The following NOTCH3 variants were observed in gnomAD, a reference collection of about 807,000 sequenced individuals.
The protein encoded by NOTCH3 is neurogenic locus notch homolog protein 3.
A neutral mutation model predicts 213.3 loss-of-function variants in NOTCH3; 86 were observed. That is an observed-to-expected ratio of 0.40 (90% confidence interval 0.34 to 0.48). NOTCH3 has a LOEUF of 0.48. Among genes scored for constraint, NOTCH3 ranks in the 20% least tolerant of loss-of-function variants. The pLI, the probability that NOTCH3 is intolerant of heterozygous loss-of-function variation, is 0.57. For synonymous variants in NOTCH3, 1,354 were observed against 1,355.9 expected (o/e 1.00, Z 0.03); for missense variants, 2,783 against 3,272.6 (o/e 0.85, Z 3.65).
At chr19:15,166,422 A>G (rs964542929) in intron 29 of NOTCH3, among the ~76,000 whole-genome samples, 2 of 152,196 alleles carry the variant, frequency 1.3e-5, no homozygotes, top group African/African-American at 4.8e-5. Context: ...ATCCAACTCA[A>G]GGCAAAGAAA....
intron 2 of NOTCH3, among the ~76,000 whole-genome samples, chr19:15,192,835 A>T (rs1484112674): frequency 6.6e-6 from 1 of 152,022 alleles, no homozygotes; most frequent in East Asian, 1.9e-4. Context: ...GAATTGCTTG[A>T]ACTCGGGAGG....
Position 15,184,990 on chromosome 19 carries a change from T to C in NOTCH3, c.2326A>G (p.Thr776Ala). The C allele has an allele frequency of 2.0e-6, 3 of 1,535,534 alleles. No homozygotes were observed. The highest frequency in any genetic ancestry group is 2.6e-6 in the Non-Finnish European group (3 of 1,136,908). The change falls in exon 15 of 33, where the codon ACC (threonine) becomes GCC (alanine). Residue 776 changes from threonine (T) to alanine (A), a missense_variant. By Grantham distance (58) the Thr-to-Ala change is moderately conservative (BLOSUM62 0). Transcript: ENST00000263388. Reference protein sequence around the residue: ...GRQCELLSPCTPNPCEHGGRC... With the variant: ...GRQCELLSPCAPNPCEHGGRC... ...CCCCCATGCTCACAGGGGTTCGGGG[T>C]GCAGGGGGAGAGGAGTTCACACTGA...
Position 15,161,107 on chromosome 19 carries a change from C to G in NOTCH3, c.6521G>C (p.Arg2174Pro), listed in dbSNP as rs1337328035. 1 of 1,539,392 alleles carries G rather than the reference C, an allele frequency of 6.5e-7. No homozygotes were observed. The highest frequency in any genetic ancestry group is 8.7e-7 in the Non-Finnish European group (1 of 1,148,596). The change falls in exon 33 of 33, where the codon CGG becomes CCG. Residue 2174 changes from arginine to proline, a missense_variant. Transcript: ENST00000263388. ...NPVAVPLDWARLPPPAPPGPS... is the reference protein window; with the variant it reads ...NPVAVPLDWAPLPPPAPPGPS... Reference sequence around the variant, plus strand: ...GCCTGGAGGGGCAGGTGGGGGCAGCCGGGCCCAATCGAGGGGCACAGCCAC... The same window carrying G: ...GCCTGGAGGGGCAGGTGGGGGCAGCGGGGCCCAATCGAGGGGCACAGCCAC...
intron 25 of NOTCH3, among the ~76,000 whole-genome samples, chr19:15,173,502 A>C (rs1220242196): frequency 6.6e-6 from 1 of 150,410 alleles, no homozygotes; most frequent in African/African-American, 2.5e-5. Context: ...TCCTGGGCTC[A>C]AGTGATCCTC....
At chr19:15,179,873 C>A (rs938436404) in intron 20 of NOTCH3, among the ~76,000 whole-genome samples, 199 bp downstream of exon 20, 3 of 151,904 alleles carry the variant, frequency 2.0e-5, no homozygotes, top group African/African-American at 7.3e-5. Flanking sequence ...AGAGTGAGAA[C>A]CTGTCTCAAA....
Position 15,177,902 on chromosome 19 carries a change from GGC to G in NOTCH3, c.4024_4025del (p.Ala1342ProfsTer220). On this transcript the variant is annotated frameshift_variant, in exon 24 of 33. Coordinates refer to ENST00000263388, the MANE Select transcript of NOTCH3 (RefSeq NM_000435.3). LOFTEE classifies it high-confidence loss of function. ...PGASNASCAA[A>X]PCLHGGSCRP... The stretch of plus-strand genomic sequence containing the variant: ...GGCAGGAGCCCCCGTGGAGACAGGG[GGC>G]GGCCGCGCAGCTGGCGTTGCTGGCC... 1 of 1,269,336 alleles carries G rather than the reference GGC, an allele frequency of 7.9e-7. No homozygotes were observed. Among genetic ancestry groups the G allele is most frequent in the Non-Finnish European group, 9.9e-7 (1 of 1,011,260 alleles). 78.6% of individuals were successfully genotyped at this position (1,269,336 alleles called of 1,614,324 possible).
Position 15,171,583 on chromosome 19 carries a change from G to A in NOTCH3, c.4737-758C>T, listed in dbSNP as rs990421863. 4.0e-4 allele frequency among the ~76,000 whole-genome samples: 60 copies of A among 151,860 alleles called. 1 individual carries two copies. Among genetic ancestry groups the A allele is most frequent in the Non-Finnish European group, 2.2e-4 (15 of 67,938 alleles). ...TCACTATGTTGCCCAGGCTAGTCTT[G>A]AACTCCGGGGCTCAAGCAATCCTCC... On this transcript the variant is annotated intron_variant, in intron 25 of 32. Transcript: ENST00000263388.
At chr19:15,178,138 TGGAGGGAA>T in intron 23 of NOTCH3, 48 bp from the exon 24 acceptor site, 1 of 1,142,576 alleles carries the variant, frequency 8.8e-7, no homozygotes, top group Non-Finnish European at 1.2e-6. Context: ...GGGTGGGGAG[TGGAGGGAA>T]GGAGGAGAAG....
rs372016434 is a variant in NOTCH3 at position 15,165,364 on chromosome 19, C to G, written c.5815+4G>C. 19 of 1,604,480 alleles carry G rather than the reference C, an allele frequency of 1.2e-5. No individual in the cohort carries two copies. The highest frequency in any genetic ancestry group is 1.4e-5 in the Non-Finnish European group (17 of 1,179,992). ...GCTTAGACTTGATTCCTCTGCCAAC[C>G]TACCAAGCTCATCCACAGCATTGAC... On this transcript the variant is annotated splice_donor_region_variant and intron_variant, in intron 31 of 32. Coordinates refer to ENST00000263388, the MANE Select transcript of NOTCH3 (RefSeq NM_000435.3). This position sits in a 1 kb window ranked among gnomAD's most constrained non-coding sequence, Gnocchi z 4.7.
intron 1 of NOTCH3, 28 bp downstream of exon 1, chr19:15,200,760 T>C (rs2145457280): frequency 7.9e-7 from 1 of 1,272,814 alleles, no homozygotes. Context: ...GCCGCCCTCG[T>C]CCCATCCGCC....
At chr19:15,199,596 T>G (rs1422783808) in intron 1 of NOTCH3, among the ~76,000 whole-genome samples, 3 of 152,200 alleles carry the variant, frequency 2.0e-5, no homozygotes, top group Non-Finnish European at 1.5e-5. Context: ...GGTGTGTCTT[T>G]CCTGAGCCAG....
chr19:15,174,120 T>A lies in NOTCH3; in HGVS notation c.4684A>T (p.Ser1562Cys). The change falls in exon 25 of 33, where the codon AGT becomes TGT. Residue 1562 changes from serine (S) to cysteine (C), a missense_variant. Ser to Cys is a moderately radical substitution (Grantham distance 112, BLOSUM62 -1). Transcript: ENST00000263388. The stretch of plus-strand genomic sequence containing the variant: ...CGGGCCCGGGGTTCGGAGCCAGGAC[T>A]AGGCCGGTGGTAAGGGAAGACCATG... ...QAMVFPYHRP[S>C]PGSEPRARRE... 1 of 1,603,050 alleles carries A rather than the reference T, an allele frequency of 6.2e-7. No homozygotes were observed.
Position 15,191,817 on chromosome 19 carries a change from G to A in NOTCH3, c.730C>T (p.Arg244Ter), listed in dbSNP as rs2046929318. The part of the protein sequence containing the change: ...EVNVDDCPGH[R>*]CLNGGTCVDG... ...ACGCATGTCCCCCCATTGAGACATCGGTGTCCTGGACAGTCGTCCACGTTC... is the reference window on the plus strand; with the variant it reads ...ACGCATGTCCCCCCATTGAGACATCAGTGTCCTGGACAGTCGTCCACGTTC... Residue 244 changes from arginine (R) to a stop codon, truncating the protein, a stop_gained, in exon 5 of 33, where the codon CGA (arginine) becomes TGA (stop). Coordinates refer to ENST00000263388, the MANE Select transcript of NOTCH3 (RefSeq NM_000435.3). LOFTEE classifies it high-confidence loss of function. 4 of 1,613,824 alleles carry A rather than the reference G, an allele frequency of 2.5e-6. No individual in the cohort carries two copies. The highest frequency in any genetic ancestry group is 3.4e-6 in the Non-Finnish European group (4 of 1,180,042).
At chr19:15,190,971 T>A (rs2046921908) in intron 6 of NOTCH3, among the ~76,000 whole-genome samples, 1 of 152,178 alleles carries the variant, frequency 6.6e-6, no homozygotes, top group African/African-American at 2.4e-5. Context: ...TCCTCCCATC[T>A]TGGCCTCCCA....
At chr19:15,196,761 A>T (rs138980859) in intron 2 of NOTCH3, among the ~76,000 whole-genome samples, 60 of 152,258 alleles carry the variant, frequency 3.9e-4, no homozygotes, top group African/African-American at 1.4e-3. Flanking sequence ...TACAGGAGTT[A>T]TTATTGCCCC....
At position 15,176,582 on chromosome 19, in the gene NOTCH3, C is replaced by T. The variant is rs376303437; in HGVS notation, c.4403+943G>A. On this transcript the variant is annotated intron_variant, in intron 24 of 32. Coordinates refer to ENST00000263388, the MANE Select transcript of NOTCH3 (RefSeq NM_000435.3). ...TTCAAGACTAGCCTGGACAACATGG[C>T]GAAACCCCATCTCTAAGAAAAAGCA... 2.0e-5 allele frequency among the ~76,000 whole-genome samples: 3 copies of T among 151,778 alleles called. No individual in the cohort carries two copies. The East Asian group carries it at 5.8e-4, about 29-fold the overall frequency.
At chr19:15,173,054 CTCTTCTTCT>C (rs1219069116) in intron 25 of NOTCH3, among the ~76,000 whole-genome samples, 44 of 5,530 alleles carry the variant, frequency 8.0e-3, no homozygotes, top group South Asian at 0.013. Flanking sequence ...TCCCTCCTCC[CTCTTCTTCT>C]TCTTCTTCTT....
chr19:15,183,774 G>C (rs945275207), intron 16 of NOTCH3, among the ~76,000 whole-genome samples: 1 of 152,042 alleles, frequency 6.6e-6, no homozygotes, highest in Non-Finnish European at 1.5e-5. Flanking sequence ...ACTTAGGTCG[G>C]GTGTGGTTGC....
In NOTCH3 at chr19:15,187,874, G is replaced by A. The variant is rs1303529616; in HGVS notation, c.1606+7C>T. On this transcript the variant is annotated splice_region_variant and intron_variant, in intron 10 of 32. Transcript: ENST00000263388. ...ATTCTTGTCGGACTGTCATTGGCCC[G>A]CCTCACCCTCGGCACAGCGGCACTC... The A allele has an allele frequency of 5.8e-6, 9 of 1,545,854 alleles. No homozygotes were observed. The East Asian group carries it at 7.3e-5, about 13-fold the overall frequency.
Sources: gnomAD v4.1 joint callset for allele counts (sites outside exome capture counted in the v4.1 genomes callset) on GRCh38, gnomAD v4.1.1 for gene constraint, Gnocchi (gnomAD v3.1) non-coding constraint, MANE v1.5 for transcripts, NCBI Gene and HGNC (gene_info 2026-07-23, HGNC 2026-07-21) for gene names.